Variants in SCRG1 observed in about 807,000 individuals in gnomAD.
SCRG1 encodes the protein stimulator of chondrogenesis 1.
Under a neutral mutation model 7.7 loss-of-function variants are expected in SCRG1, and 3 were observed. The ratio of observed to expected loss-of-function variants is 0.39; its 90% CI spans 0.18 to 1.01. The LOEUF (loss-of-function observed/expected upper bound fraction) is 1.01, where lower values mean the gene tolerates loss of function less well. Ranked by LOEUF, SCRG1 falls within the 50% of genes least tolerant of loss-of-function variation. The pLI, the probability that SCRG1 is intolerant of heterozygous loss-of-function variation, is 0.36. For missense variants in SCRG1, 110 were observed against 117.2 expected (o/e 0.94, Z 0.28); for synonymous variants, 46 against 41.2 (o/e 1.12, Z -0.44).
the SCRG1 span, among the ~76,000 whole-genome samples, chr4:173,470,270 T>C: frequency 6.6e-6 from 1 of 152,152 alleles, no homozygotes; most frequent in Admixed American, 6.5e-5. Context: ...ACAAGACTTT[T>C]AATTGGTACA....
At chr4:173,396,914 G>T (rs1332108111) in intron 1 of SCRG1, among the ~76,000 whole-genome samples, 3 of 151,928 alleles carry the variant, frequency 2.0e-5, no homozygotes, top group Non-Finnish European at 2.9e-5. Context: ...TTAGCTGAGA[G>T]TGGTGTCATG....
chr4:173,392,370 T>C (rs1739474241), intron 1 of SCRG1, among the ~76,000 whole-genome samples: 1 of 152,190 alleles, frequency 6.6e-6, no homozygotes, highest in Non-Finnish European at 1.5e-5. Flanking sequence ...TCATCTAGCC[T>C]TCCATGAACT....
In SCRG1 at chr4:173,391,199, G is replaced by A. The variant is rs978136684; in HGVS notation, c.216C>T (p.Asn72=). 1.2e-6 allele frequency: 2 copies of A among 1,614,022 alleles called. No individual in the cohort carries two copies. Among genetic ancestry groups the A allele is most frequent in the African/African-American group, 1.3e-5 (1 of 74,930 alleles). The change falls in exon 2 of 3, where the codon AAC becomes AAT. Residue 72 remains asparagine (N), a synonymous_variant. Transcript: ENST00000296506. The part of the protein sequence containing the change: ...GKGCEMICYC[N]FSELLCCPKD... ...TTGGGCAGCAGAGCAATTCGCTGAA[G>A]TTGCAGTAACAGATCATCTCACATC...
upstream of SCRG1, among the ~76,000 whole-genome samples, chr4:173,400,143 T>A (rs1186924649): frequency 6.6e-6 from 1 of 152,120 alleles, no homozygotes; most frequent in African/African-American, 2.4e-5. Context: ...AGAAGGATGG[T>A]TTCCTGGGAG....
chr4:173,484,159 T>C, the SCRG1 span, among the ~76,000 whole-genome samples: 1 of 67,660 alleles, frequency 1.5e-5, no homozygotes, highest in Non-Finnish European at 2.5e-5. Flanking sequence ...GAATATTTTC[T>C]ACATTATATA....
At chr4:173,452,184 T>C in the SCRG1 span, among the ~76,000 whole-genome samples, 4 of 151,524 alleles carry the variant, frequency 2.6e-5, no homozygotes, top group African/African-American at 9.7e-5. Flanking sequence ...TGCAGTGAAC[T>C]GAGATTGCAC....
the SCRG1 span, among the ~76,000 whole-genome samples, chr4:173,482,661 T>C: frequency 6.6e-6 from 1 of 151,510 alleles, no homozygotes; most frequent in African/African-American, 2.4e-5. Flanking sequence ...CTACAAAAAA[T>C]TGAAAACTTA....
At chr4:173,506,244 C>T in the SCRG1 span, among the ~76,000 whole-genome samples, 2 of 152,098 alleles carry the variant, frequency 1.3e-5, no homozygotes, top group African/African-American at 4.8e-5. The surrounding 1 kb of genome is among the most constrained non-coding windows in gnomAD (Gnocchi z 5.3). Context: ...GGACGTAGGC[C>T]CTACAGCTTA....
the SCRG1 span, among the ~76,000 whole-genome samples, chr4:173,435,432 C>T: frequency 9.2e-5 from 14 of 152,226 alleles, no homozygotes; most frequent in African/African-American, 2.2e-4. Flanking sequence ...GTCTGGTCAC[C>T]GGGGCTCCGA....
the SCRG1 span, among the ~76,000 whole-genome samples, chr4:173,515,477 G>T: frequency 1.3e-5 from 2 of 152,046 alleles, no homozygotes; most frequent in African/African-American, 4.8e-5. This position sits in a 1 kb window ranked among gnomAD's most constrained non-coding sequence, Gnocchi z 4.6. Flanking sequence ...ATCCAAATGG[G>T]TTCTTCATAT....
the SCRG1 span, among the ~76,000 whole-genome samples, chr4:173,465,777 C>T: frequency 6.6e-6 from 1 of 151,904 alleles, no homozygotes; most frequent in African/African-American, 2.4e-5. Context: ...TCCTTCCTCC[C>T]TCCGCTTCCC....
At chr4:173,445,214 A>G in the SCRG1 span, among the ~76,000 whole-genome samples, 434 of 152,294 alleles carry the variant, frequency 2.8e-3, 2 homozygotes, top group African/African-American at 9.9e-3. Context: ...ATTAATATGT[A>G]TATGTATATT....
chr4:173,505,441 A>G, the SCRG1 span, among the ~76,000 whole-genome samples: 1 of 152,142 alleles, frequency 6.6e-6, no homozygotes, highest in Non-Finnish European at 1.5e-5. This position sits in a 1 kb window ranked among gnomAD's most constrained non-coding sequence, Gnocchi z 4.4. Context: ...TCAGTACAAG[A>G]TTCTTCTTGC....
the SCRG1 span, among the ~76,000 whole-genome samples, chr4:173,445,684 G>T: frequency 2.8e-3 from 340 of 120,236 alleles, no homozygotes; most frequent in African/African-American, 8.6e-3. Context: ...TTTTTTTTTT[G>T]AGATGGAGTC....
the SCRG1 span, among the ~76,000 whole-genome samples, chr4:173,500,790 C>G: frequency 6.6e-6 from 1 of 152,192 alleles, no homozygotes; most frequent in Non-Finnish European, 1.5e-5. Flanking sequence ...TAAATTTATA[C>G]AGGCCCTAGT....
At chr4:173,483,801 T>TTC in the SCRG1 span, among the ~76,000 whole-genome samples, 8 of 88,556 alleles carry the variant, frequency 9.0e-5, 3 homozygotes, top group African/African-American at 3.6e-4. Context: ...ATATATATGA[T>TTC]ATATGATATG....
the SCRG1 span, among the ~76,000 whole-genome samples, chr4:173,510,042 T>C: frequency 6.6e-6 from 1 of 152,200 alleles, no homozygotes; most frequent in Non-Finnish European, 1.5e-5. This position sits in a 1 kb window ranked among gnomAD's most constrained non-coding sequence, Gnocchi z 5.7. Flanking sequence ...GAGGGAGAAT[T>C]ACAAATAGGA....
At chr4:173,399,045 T>C (rs1231946726) in intron 1 of SCRG1, 23 bp downstream of exon 1, 1 of 152,234 alleles carries the variant, frequency 6.6e-6, no homozygotes, top group Non-Finnish European at 1.5e-5. Context: ...TAAGATGTTT[T>C]TTATAGAGAA....
At chr4:173,412,153 C>T in the SCRG1 span, among the ~76,000 whole-genome samples, 3 of 152,142 alleles carry the variant, frequency 2.0e-5, no homozygotes, top group African/African-American at 7.2e-5. Context: ...GTCCCAAAAC[C>T]ACTCATGCAG....
Sources: gnomAD v4.1 joint callset for allele counts (sites outside exome capture counted in the v4.1 genomes callset) on GRCh38, gnomAD v4.1.1 for gene constraint, Gnocchi (gnomAD v3.1) non-coding constraint, MANE v1.5 for transcripts, NCBI Gene and HGNC (gene_info 2026-07-23, HGNC 2026-07-21) for gene names.